The following ROBO2 variants were observed in gnomAD, a reference collection of about 807,000 sequenced individuals.
ROBO2 encodes roundabout guidance receptor 2.
A neutral mutation model predicts 160.8 loss-of-function variants in ROBO2; 53 were observed. The observed-to-expected ratio is 0.33, with a 90% CI of 0.26 to 0.41. ROBO2 has a LOEUF of 0.41. Among genes scored for constraint, ROBO2 ranks in the 10% least tolerant of loss-of-function variants. The pLI, the probability that ROBO2 is intolerant of heterozygous loss-of-function variation, is 1.00. For missense variants in ROBO2, 1,577 were observed against 1,722.4 expected, an observed-to-expected ratio of 0.92 and a Z score of 1.49; for synonymous variants, 664 against 611.7, an observed-to-expected ratio of 1.09 and a Z score of -1.26.
intron 2 of ROBO2, among the ~76,000 whole-genome samples, chr3:76,284,870 G>A (rs952534048): frequency 6.6e-6 from 1 of 152,102 alleles, no homozygotes; most frequent in East Asian, 1.9e-4. Context: ...ATTTTTGTGA[G>A]GGTCTTAAAC....
intron 6 of ROBO2, among the ~76,000 whole-genome samples, chr3:77,533,025 T>C: frequency 6.6e-6 from 1 of 152,176 alleles, no homozygotes; most frequent in East Asian, 1.9e-4. Context: ...AGATTTTGTT[T>C]TGGTTCCTAT....
chr3:76,860,629 A>G (rs2070666462), intron 2 of ROBO2, among the ~76,000 whole-genome samples: 1 of 152,126 alleles, frequency 6.6e-6, no homozygotes, highest in African/African-American at 2.4e-5. Flanking sequence ...CACATGACCT[A>G]TCCTCGTCAT....
intron 2 of ROBO2, among the ~76,000 whole-genome samples, chr3:76,857,603 A>T (rs2070269522): frequency 6.6e-6 from 1 of 152,156 alleles, no homozygotes; most frequent in South Asian, 2.1e-4. Context: ...CTGACAATGA[A>T]CACGTTTTTG....
intron 2 of ROBO2, among the ~76,000 whole-genome samples, chr3:76,818,819 C>G (rs1366982899): frequency 6.6e-6 from 1 of 151,924 alleles, no homozygotes; most frequent in East Asian, 1.9e-4. Context: ...GGCCCATGTG[C>G]CTATTTTTAT....
intron 6 of ROBO2, among the ~76,000 whole-genome samples, chr3:77,541,786 A>T (rs970452125): frequency 6.6e-6 from 1 of 152,208 alleles, no homozygotes; most frequent in Non-Finnish European, 1.5e-5. Context: ...CAGGTTTTAG[A>T]CAGAATATAA....
At chr3:76,048,288 G>C (rs546256156) in intron 2 of ROBO2, among the ~76,000 whole-genome samples, 7 of 152,108 alleles carry the variant, frequency 4.6e-5, no homozygotes, top group Non-Finnish European at 1.0e-4. Context: ...GCTAGTGATA[G>C]AGCAATTCTG....
At chr3:76,969,231 T>C (rs1310627104) in intron 2 of ROBO2, among the ~76,000 whole-genome samples, 1 of 152,134 alleles carries the variant, frequency 6.6e-6, no homozygotes, top group African/African-American at 2.4e-5. Flanking sequence ...TGTGTTAATA[T>C]AAAAAAAGTT....
intron 2 of ROBO2, among the ~76,000 whole-genome samples, chr3:76,119,691 TATC>T (rs1361471798): frequency 6.6e-5 from 10 of 152,142 alleles, no homozygotes; most frequent in Admixed American, 2.6e-4. Context: ...AATGTCATAT[TATC>T]ATAGGAAAAA....
At chr3:75,934,386 C>G (rs1416308847) in intron 1 of ROBO2, among the ~76,000 whole-genome samples, 1 of 152,074 alleles carries the variant, frequency 6.6e-6, no homozygotes, top group African/African-American at 2.4e-5. Context: ...AAAGGGTGTT[C>G]CAAAAGAAGA....
chr3:77,231,083 G>C (rs1210274590), intron 2 of ROBO2, among the ~76,000 whole-genome samples: 1 of 151,878 alleles, frequency 6.6e-6, no homozygotes, highest in Non-Finnish European at 1.5e-5. Flanking sequence ...AATCCTTCTA[G>C]GCCCATTGCG....
chr3:76,067,509 A>AT (rs1449463146), intron 2 of ROBO2, among the ~76,000 whole-genome samples: 1 of 151,440 alleles, frequency 6.6e-6, no homozygotes, highest in Non-Finnish European at 1.5e-5. Context: ...TAAAAAAAAA[A>AT]CTATTGTTTA....
At position 76,576,266 on chromosome 3, in the gene ROBO2, T is replaced by TCATA. The variant is rs2085284355; in HGVS notation, c.110-521745_110-521742dup. Among the ~76,000 whole-genome samples, 3 of 152,214 alleles carry TCATA rather than the reference T, an allele frequency of 2.0e-5. No individual in the cohort carries two copies. In the South Asian group the frequency reaches 6.2e-4, roughly 32 times the overall value. Reference sequence around the variant, plus strand: ...AATGTAATAACATGCAGTAGCCACATCATACACTGATATGAGCCCTTCTTC... The same window carrying TCATA: ...AATGTAATAACATGCAGTAGCCACATCATACATACACTGATATGAGCCCTTCTTC... On this transcript the variant is annotated intron_variant, in intron 2 of 26. Coordinates refer to the ROBO2 transcript ENST00000487694.
rs80238841 is a variant in ROBO2, at chr3:76,980,071, A to C, written c.110-117943A>C. Among the ~76,000 whole-genome samples the C allele has an allele frequency of 5.4e-3, 827 of 152,290 alleles. 6 individuals are homozygous for C. The highest frequency in any genetic ancestry group is 0.019 in the African/African-American group (794 of 41,562). ...ATCTGGTACCATACTGCAGGAAATA[A>C]CTTACTTTGAATCATGAGAAAGTGG... is the stretch of plus-strand genomic sequence containing the variant. On this transcript the variant is annotated intron_variant, in intron 2 of 26. Transcript: ENST00000487694.
intron 1 of ROBO2, among the ~76,000 whole-genome samples, chr3:77,085,914 C>T (rs569999927): frequency 6.6e-6 from 1 of 152,190 alleles, no homozygotes; most frequent in South Asian, 2.1e-4. Context: ...TTCCTGTCAT[C>T]TCATAAGTCA....
chr3:77,343,126 C>A (rs955618254), intron 2 of ROBO2, among the ~76,000 whole-genome samples: 1 of 151,852 alleles, frequency 6.6e-6, no homozygotes, highest in Non-Finnish European at 1.5e-5. Context: ...GATAAGGATG[C>A]TGCTCTTATG....
intron 1 of ROBO2, among the ~76,000 whole-genome samples, chr3:77,069,188 T>C (rs915671074): frequency 1.3e-5 from 2 of 152,140 alleles, no homozygotes; most frequent in Non-Finnish European, 2.9e-5. Flanking sequence ...TAATGTGTGC[T>C]CTCAGGCAGT....
chr3:76,454,180 T>C (rs2077626274), intron 2 of ROBO2, among the ~76,000 whole-genome samples: 1 of 152,192 alleles, frequency 6.6e-6, no homozygotes, highest in Non-Finnish European at 1.5e-5. Flanking sequence ...ATCCAGAAGT[T>C]TCAATTTTAT....
chr3:75,974,765 T>A (rs908933337), intron 2 of ROBO2, among the ~76,000 whole-genome samples: 1 of 151,390 alleles, frequency 6.6e-6, no homozygotes, highest in Non-Finnish European at 1.5e-5. Flanking sequence ...TATTGCACAA[T>A]AAGAGGCAGT....
chr3:76,328,808 G>A (rs1006636107), intron 2 of ROBO2, among the ~76,000 whole-genome samples: 1 of 151,606 alleles, frequency 6.6e-6, no homozygotes, highest in African/African-American at 2.4e-5. Flanking sequence ...GCAGTGAGCC[G>A]AGATCGCGCC....
Sources: gnomAD v4.1 joint callset for allele counts (sites outside exome capture counted in the v4.1 genomes callset) on GRCh38, gnomAD v4.1.1 for gene constraint, MANE v1.5 for transcripts, NCBI Gene and HGNC (gene_info 2026-07-23, HGNC 2026-07-21) for gene names.